SMIM7: variants seen among roughly 807,000 people sequenced by gnomAD.
The protein encoded by SMIM7 is small integral membrane protein 7, also known as UPF0608 protein C19orf42.
SMIM7 carries 12 observed loss-of-function variants against 13.3 expected under a neutral mutation model. That is an observed-to-expected ratio of 0.90 (90% CI 0.58 to 1.46). The LOEUF is 1.46. Among genes scored for constraint, SMIM7 ranks in the 40% most tolerant of loss-of-function variants. The pLI is 0.00. For missense variants in SMIM7, 114 were observed against 94.8 expected, an observed-to-expected ratio of 1.20 and a Z score of -0.84; for synonymous variants, 36 against 35.8, an observed-to-expected ratio of 1.01 and a Z score of -0.02.
chr19:16,635,830 G>T lies in SMIM7; in HGVS notation c.*138-4106C>A, dbSNP rs2086354570. ...ACCTGGGAGGGAGAGGTTGCAATGG[G>T]CCCAGATTGTACCACTGCAATCCAG... On this transcript the variant is annotated intron_variant and NMD_transcript_variant, in intron 4 of 4. Transcript: ENST00000465250. Among the ~76,000 whole-genome samples the T allele has an allele frequency of 3.5e-5, 5 of 144,232 alleles. No homozygotes were observed. In the South Asian group the frequency reaches 1.1e-3, roughly 31 times the overall value. The allele number at this position is 144,232 out of a possible 152,430, so 94.6% of individuals were successfully genotyped here.
intron 4 of SMIM7, among the ~76,000 whole-genome samples, chr19:16,651,564 T>C (rs1312063387): frequency 6.6e-6 from 1 of 152,190 alleles, no homozygotes; most frequent in African/African-American, 2.4e-5. Flanking sequence ...GCTGCTGTTC[T>C]GGTCACAGAC....
chr19:16,642,247 G>A (rs568168041), downstream of SMIM7, among the ~76,000 whole-genome samples: 6 of 152,168 alleles, frequency 3.9e-5, no homozygotes, highest in South Asian at 4.1e-4. Context: ...TTACAATGGC[G>A]TATTTGCAGT....
chr19:16,635,897 A>ATATATAT (rs1219247102), intron 4 of SMIM7, among the ~76,000 whole-genome samples: 2 of 123,834 alleles, frequency 1.6e-5, no homozygotes, highest in African/African-American at 6.9e-5. Flanking sequence ...AAAAAAAAAA[A>ATATATAT]AAATATATAT....
chr19:16,643,518 T>C, downstream of SMIM7, among the ~76,000 whole-genome samples: 1 of 152,112 alleles, frequency 6.6e-6, no homozygotes, highest in African/African-American at 2.4e-5. Flanking sequence ...TACCTCAGTC[T>C]CCTGAGTAGC....
intron 4 of SMIM7, chr19:16,652,527 T>G (rs1178685771): frequency 9.5e-7 from 1 of 1,053,718 alleles, no homozygotes; most frequent in Non-Finnish European, 1.1e-6. Context: ...TGTAAGTTCC[T>G]TGATCTCCTC....
chr19:16,639,192 G>A (rs1481885167), intron 4 of SMIM7, among the ~76,000 whole-genome samples: 2 of 150,624 alleles, frequency 1.3e-5, no homozygotes, highest in Non-Finnish European at 2.9e-5. Context: ...CGTGATCTCG[G>A]CTCACTGCAA....
At chr19:16,633,483 AGG>A (rs1303138556) in intron 4 of SMIM7, among the ~76,000 whole-genome samples, 3 of 150,638 alleles carry the variant, frequency 2.0e-5, no homozygotes, top group African/African-American at 7.4e-5. Flanking sequence ...AAAAAAAAAA[AGG>A]AAGAAATTCA....
In SMIM7 at chr19:16,660,040, G is replaced by A. The variant is rs755164565; in HGVS notation, c.27-40C>T. ...TTACAGTTACTAGGGGCGCCCCCGC[G>A]TCCTGCCTGGCTCTCTCTTCCCAGC... On this transcript the variant is annotated intron_variant, in intron 1 of 4. Coordinates refer to ENST00000487416, the MANE Select transcript of SMIM7 (RefSeq NM_024104.4). The A allele has an allele frequency of 3.1e-6, 5 of 1,614,128 alleles. No individual in the cohort carries two copies. In the South Asian group the frequency reaches 3.3e-5, roughly 11 times the overall value.
chr19:16,658,497 G>A (rs1434186114), intron 3 of SMIM7, among the ~76,000 whole-genome samples: 1 of 152,194 alleles, frequency 6.6e-6, no homozygotes, highest in East Asian at 1.9e-4. Context: ...GTTAGGGCTG[G>A]GATGAGGCAG....
At chr19:16,648,581 T>A (rs2086479284) in intron 4 of SMIM7, among the ~76,000 whole-genome samples, 1 of 152,272 alleles carries the variant, frequency 6.6e-6, no homozygotes, top group South Asian at 2.1e-4. Flanking sequence ...CCCTTATGGA[T>A]CAGCAATAAC....
At chr19:16,659,742 A>C (rs956902991) in intron 2 of SMIM7, 9 of 679,788 alleles carry the variant, frequency 1.3e-5, no homozygotes, top group Middle Eastern at 8.1e-4. Flanking sequence ...AGGAAGGTGA[A>C]CAGAGGGACA....
intron 4 of SMIM7, among the ~76,000 whole-genome samples, chr19:16,651,347 T>C (rs185453412): frequency 1.5e-3 from 225 of 152,288 alleles, no homozygotes; most frequent in African/African-American, 5.2e-3. Context: ...GCGAAGTTCA[T>C]TCACAAAAAC....
At chr19:16,653,510 G>A (rs1011414323) in intron 4 of SMIM7, among the ~76,000 whole-genome samples, 3 of 151,716 alleles carry the variant, frequency 2.0e-5, no homozygotes, top group Non-Finnish European at 2.9e-5. Context: ...TTGAAGCAGG[G>A]AGGCAGAGGT....
chr19:16,637,436 G>T (rs1259493554), intron 4 of SMIM7, among the ~76,000 whole-genome samples: 1 of 152,160 alleles, frequency 6.6e-6, no homozygotes, highest in African/African-American at 2.4e-5. Flanking sequence ...GCCTGGGGGA[G>T]GTTGAGGCTA....
intron 4 of SMIM7, among the ~76,000 whole-genome samples, chr19:16,650,810 C>T (rs2086515010): frequency 6.6e-6 from 1 of 152,174 alleles, no homozygotes; most frequent in East Asian, 1.9e-4. Context: ...CCTCTCTACC[C>T]CATCTGGAGT....
At chr19:16,659,909 G>A in intron 2 of SMIM7, 50 bp downstream of exon 2, 1 of 1,574,714 alleles carries the variant, frequency 6.4e-7, no homozygotes, top group South Asian at 1.2e-5. Context: ...TATGAGGGCG[G>A]GGCTACGGGT....
At chr19:16,659,822 G>C in intron 2 of SMIM7, 137 bp downstream of exon 2, 1 of 1,148,584 alleles carries the variant, frequency 8.7e-7, no homozygotes, top group Non-Finnish European at 1.3e-6. Context: ...AACCAGGCTG[G>C]AGGCGTGCCC....
chr19:16,657,065 G>T (rs956797077), intron 3 of SMIM7, among the ~76,000 whole-genome samples: 2 of 152,172 alleles, frequency 1.3e-5, no homozygotes, highest in Non-Finnish European at 2.9e-5. Flanking sequence ...CACTATCTAT[G>T]TGCATTCCCT....
At chr19:16,659,834 G>GAGGGCGGAT (rs894119967) in intron 2 of SMIM7, 125 bp downstream of exon 2, 2 of 1,308,462 alleles carry the variant, frequency 1.5e-6, no homozygotes, top group African/African-American at 2.9e-5. Flanking sequence ...GGCGTGCCCA[G>GAGGGCGGAT]AGGGCGGATA....
Sources: gnomAD v4.1 joint callset for allele counts (sites outside exome capture counted in the v4.1 genomes callset) on GRCh38, gnomAD v4.1.1 for gene constraint, MANE v1.5 for transcripts, NCBI Gene and HGNC (gene_info 2026-07-23, HGNC 2026-07-21) for gene names.